TBC1D15: variants seen among roughly 807,000 people sequenced by gnomAD.
TBC1D15 encodes TBC1 domain family member 15.
Under a neutral mutation model 95.4 loss-of-function variants are expected in TBC1D15, and 39 were observed. The ratio of observed to expected loss-of-function variants is 0.41; its 90% CI spans 0.32 to 0.53. TBC1D15 has a LOEUF of 0.53. Among genes scored for constraint, TBC1D15 ranks in the 20% least tolerant of loss-of-function variants. The pLI, the probability that TBC1D15 is intolerant of heterozygous loss-of-function variation, is 0.29. For missense variants in TBC1D15, 733 were observed against 794.3 expected (o/e 0.92, Z 0.93); for synonymous variants, 258 against 261.3 (o/e 0.99, Z 0.12).
intron 1 of TBC1D15, chr12:71,850,279 T>C (rs1234095409): frequency 1.2e-5 from 6 of 506,076 alleles, no homozygotes; most frequent in Non-Finnish European, 2.3e-5. Flanking sequence ...AATTTTGTCA[T>C]GGTAAATACT....
At chr12:71,893,828 T>G (rs1897657195) in intron 6 of TBC1D15, among the ~76,000 whole-genome samples, 1 of 151,986 alleles carries the variant, frequency 6.6e-6, no homozygotes, top group Non-Finnish European at 1.5e-5. Context: ...CAGATGACTA[T>G]GTAAAGTAAT....
intron 1 of TBC1D15, among the ~76,000 whole-genome samples, chr12:71,846,591 C>G (rs1886318970): frequency 6.6e-6 from 1 of 152,134 alleles, no homozygotes. Flanking sequence ...CTATGAACAC[C>G]TGATTCCCAG....
intron 6 of TBC1D15, chr12:71,894,302 A>G (rs1306348092): frequency 6.2e-7 from 1 of 1,611,096 alleles, no homozygotes; most frequent in South Asian, 1.1e-5. Context: ...ACACACTTCA[A>G]GAAATATTTT....
At chr12:71,918,854 T>C (rs1015803325) in intron 14 of TBC1D15, among the ~76,000 whole-genome samples, 3 of 152,238 alleles carry the variant, frequency 2.0e-5, no homozygotes, top group African/African-American at 7.2e-5. Flanking sequence ...ATGTGAGGCT[T>C]TGCCACATCT....
intron 10 of TBC1D15, among the ~76,000 whole-genome samples, chr12:71,898,197 T>A (rs1336762101): frequency 1.3e-5 from 2 of 152,110 alleles, no homozygotes; most frequent in Admixed American, 1.3e-4. Flanking sequence ...AAAGATTGTT[T>A]ACCTTTATTT....
chr12:71,896,419 C>T, intron 8 of TBC1D15: 1 of 457,372 alleles, frequency 2.2e-6, no homozygotes, highest in South Asian at 3.5e-5. Context: ...CTTAGACTCA[C>T]CAGTCACACT....
Position 71,920,802 on chromosome 12 carries a change from G to A in TBC1D15, c.1671G>A (p.Lys557=). The part of the protein sequence containing the change: ...LLCCAILESE[K]QQIMEKHYGF... ...GTTGTGCTATTCTGGAATCAGAAAA[G>A]CAGCAAATAATGGAAAAGCATTATG... The change falls in exon 15 of 17, where the codon AAG becomes AAA. Residue 557 remains lysine (K), a synonymous_variant. Coordinates refer to ENST00000485960, the MANE Select transcript of TBC1D15 (RefSeq NM_001146213.3). 1 of 1,612,460 alleles carries A rather than the reference G, an allele frequency of 6.2e-7. No homozygotes were observed. The highest frequency in any genetic ancestry group is 8.5e-7 in the Non-Finnish European group (1 of 1,179,376).
At position 71,881,914 on chromosome 12, in the gene TBC1D15, C is replaced by T. The variant is rs1363199635; in HGVS notation, c.343+1307C>T. Reference sequence around the variant, plus strand: ...GCCTGGCAACACAGCAAGACTCCGTCTCAAAAAAAAAAAAAAAAAAAAAAA... The same window carrying T: ...GCCTGGCAACACAGCAAGACTCCGTTTCAAAAAAAAAAAAAAAAAAAAAAA... On this transcript the variant is annotated intron_variant, in intron 4 of 16. Coordinates refer to ENST00000485960, the MANE Select transcript of TBC1D15 (RefSeq NM_001146213.3). Among the ~76,000 whole-genome samples the T allele has an allele frequency of 2.8e-4, 26 of 92,090 alleles. No individual in the cohort carries two copies. In the East Asian group the frequency reaches 8.4e-3, roughly 30 times the overall value. 60.4% of individuals were successfully genotyped at this position (92,090 alleles called of 152,430 possible). A position where few individuals can be genotyped will look rare whatever the true frequency, so the allele number is the denominator to read the frequency against.
At chr12:71,844,062 C>T (rs556732553) in intron 1 of TBC1D15, among the ~76,000 whole-genome samples, 4 of 152,194 alleles carry the variant, frequency 2.6e-5, no homozygotes, top group African/African-American at 9.7e-5. Context: ...CCCTTCACCT[C>T]TCACATCTAA....
chr12:71,917,172 C>T (rs1338145036), intron 12 of TBC1D15, among the ~76,000 whole-genome samples: 2 of 152,126 alleles, frequency 1.3e-5, no homozygotes, highest in African/African-American at 4.8e-5. Flanking sequence ...ACACATCATA[C>T]AGCCTTTGCA....
chr12:71,906,671 T>C (rs1311468959), intron 10 of TBC1D15, among the ~76,000 whole-genome samples: 2 of 152,020 alleles, frequency 1.3e-5, no homozygotes, highest in Admixed American at 6.5e-5. Context: ...CTGGTATCTA[T>C]GACATGCATT....
chr12:71,911,337 G>A (rs1426720542), intron 11 of TBC1D15, among the ~76,000 whole-genome samples: 1 of 151,954 alleles, frequency 6.6e-6, no homozygotes, highest in Non-Finnish European at 1.5e-5. Context: ...TGTTTATTGT[G>A]GCACTATTCA....
chr12:71,877,450 A>C (rs540278772), intron 3 of TBC1D15, among the ~76,000 whole-genome samples: 1 of 148,786 alleles, frequency 6.7e-6, no homozygotes, highest in Non-Finnish European at 1.5e-5. Context: ...GGAGCTCTAC[A>C]ATTTCTGGAC....
chr12:71,841,475 A>C (rs1468618589), intron 1 of TBC1D15, among the ~76,000 whole-genome samples: 1 of 152,182 alleles, frequency 6.6e-6, no homozygotes, highest in Non-Finnish European at 1.5e-5. Context: ...TAATACTATC[A>C]TGACCAACAA....
chr12:71,913,470 A>G (rs1902920279), intron 11 of TBC1D15: 1 of 186,314 alleles, frequency 5.4e-6, no homozygotes, highest in Non-Finnish European at 1.1e-5. Flanking sequence ...TTGAGTGTAT[A>G]CTCTTACATT....
chr12:71,923,254 C>T lies in TBC1D15; in HGVS notation c.*50C>T. On this transcript the variant is annotated 3_prime_UTR_variant, in exon 17 of 17. Transcript: ENST00000485960. ...GAGACACTTTGTTGCAACCCTTTTTCAAGTACTTGAAAGTTGAAAATTTGA... is the reference window on the plus strand; with the variant it reads ...GAGACACTTTGTTGCAACCCTTTTTTAAGTACTTGAAAGTTGAAAATTTGA... The T allele has an allele frequency of 6.3e-7, 1 of 1,579,326 alleles. No homozygotes were observed. Among genetic ancestry groups the T allele is most frequent in the Non-Finnish European group, 8.7e-7 (1 of 1,152,522 alleles).
intron 1 of TBC1D15, among the ~76,000 whole-genome samples, chr12:71,867,312 G>A (rs1319632381): frequency 2.0e-5 from 3 of 152,236 alleles, no homozygotes; most frequent in Non-Finnish European, 4.4e-5. Context: ...TGATTTAATG[G>A]ATGAATGTGT....
chr12:71,872,054 AT>A lies in TBC1D15; in HGVS notation c.31-11del. 8.0e-7 allele frequency: 1 copy of A among 1,243,864 alleles called. No homozygotes were observed. The highest frequency in any genetic ancestry group is 1.1e-6 in the Non-Finnish European group (1 of 913,778). 77.1% of individuals were successfully genotyped at this position (1,243,864 alleles called of 1,614,324 possible). A position where few individuals can be genotyped will look rare whatever the true frequency, so the allele number is the denominator to read the frequency against. ...CAATAGAAATTATGTGACTAACTTTATTTTTGCTGTTTTAGATTATATATGA... is the reference window on the plus strand; with the variant it reads ...CAATAGAAATTATGTGACTAACTTTATTTTGCTGTTTTAGATTATATATGA... On this transcript the variant is annotated splice_polypyrimidine_tract_variant and intron_variant, in intron 1 of 16. Transcript: ENST00000485960.
chr12:71,871,707 A>G (rs1892732565), intron 1 of TBC1D15, among the ~76,000 whole-genome samples: 1 of 152,242 alleles, frequency 6.6e-6, no homozygotes, highest in Non-Finnish European at 1.5e-5. Context: ...CCAGCCTCCC[A>G]GGTAGTTGGG....
Sources: gnomAD v4.1 joint callset for allele counts (sites outside exome capture counted in the v4.1 genomes callset) on GRCh38, gnomAD v4.1.1 for gene constraint, MANE v1.5 for transcripts, NCBI Gene and HGNC (gene_info 2026-07-23, HGNC 2026-07-21) for gene names.